Variants in PCDH15 observed in about 807,000 individuals in gnomAD.
The protein encoded by PCDH15 is protocadherin-15.
A neutral mutation model predicts 178.5 loss-of-function variants in PCDH15; 129 were observed. The ratio of observed to expected loss-of-function variants is 0.72; its 90% CI spans 0.63 to 0.84. The LOEUF (loss-of-function observed/expected upper bound fraction) is 0.84, where lower values mean the gene tolerates loss of function less well. Among genes scored for constraint, PCDH15 ranks in the 40% least tolerant of loss-of-function variants. The pLI is 0.00. For missense variants in PCDH15, 2,230 were observed against 2,099.9 expected (o/e 1.06, Z -1.21); for synonymous variants, 800 against 732.0 (o/e 1.09, Z -1.50).
At chr10:54,955,281 A>G (rs1326885309) in intron 2 of PCDH15, among the ~76,000 whole-genome samples, 1 of 151,258 alleles carries the variant, frequency 6.6e-6, no homozygotes, top group African/African-American at 2.4e-5. Flanking sequence ...GAGGAAAAGA[A>G]CTTTTGTTCT....
intron 1 of PCDH15, among the ~76,000 whole-genome samples, chr10:54,697,258 T>G (rs1418054589): frequency 6.6e-6 from 1 of 152,036 alleles, no homozygotes; most frequent in South Asian, 2.1e-4. Flanking sequence ...TTATATATAC[T>G]TGATAGTTTA....
intron 2 of PCDH15, among the ~76,000 whole-genome samples, chr10:54,919,137 C>T (rs1380902936): frequency 6.6e-6 from 1 of 152,072 alleles, no homozygotes; most frequent in Non-Finnish European, 1.5e-5. Flanking sequence ...CAGTGTTAAT[C>T]GTTTGTTGTC....
At chr10:53,832,297 C>T (rs1336220155) in intron 29 of PCDH15, among the ~76,000 whole-genome samples, 1 of 151,844 alleles carries the variant, frequency 6.6e-6, no homozygotes, top group Non-Finnish European at 1.5e-5. Flanking sequence ...AATAATTATT[C>T]CTAATCTTAT....
chr10:54,922,229 A>T (rs1362918614), intron 2 of PCDH15, among the ~76,000 whole-genome samples: 1 of 152,104 alleles, frequency 6.6e-6, no homozygotes, highest in African/African-American at 2.4e-5. Context: ...GCATTAAGTC[A>T]AAAGTCCAAG....
intron 26 of PCDH15, among the ~76,000 whole-genome samples, chr10:53,900,303 T>C (rs528012484): frequency 1.3e-5 from 2 of 151,836 alleles, no homozygotes; most frequent in South Asian, 4.2e-4. Context: ...TAGTATATTA[T>C]ATTGCATGAA....
chr10:54,920,297 C>T (rs959846257), intron 2 of PCDH15, among the ~76,000 whole-genome samples: 7 of 151,718 alleles, frequency 4.6e-5, no homozygotes, highest in Middle Eastern at 3.2e-3. Context: ...GGTGAAACCC[C>T]GTCTCTACTA....
intron 2 of PCDH15, among the ~76,000 whole-genome samples, chr10:55,005,226 A>AATAATCATCATCATCATC (rs34847205): frequency 5.5e-5 from 8 of 146,522 alleles, no homozygotes; most frequent in Non-Finnish European, 8.9e-5. Flanking sequence ...TAATAATAAT[A>AATAATCATCATCATCATC]ATCAATGGAG....
At chr10:54,696,694 C>T (rs2095230993) in intron 1 of PCDH15, among the ~76,000 whole-genome samples, 3 of 151,768 alleles carry the variant, frequency 2.0e-5, no homozygotes, top group East Asian at 1.9e-4. Context: ...AAAAAAAAAC[C>T]GCCCTATTTT....
At chr10:55,327,136 T>G (rs1844052216) in intron 2 of PCDH15, among the ~76,000 whole-genome samples, 1 of 152,068 alleles carries the variant, frequency 6.6e-6, no homozygotes, top group South Asian at 2.1e-4. Context: ...CCCTCATGAA[T>G]AGAATTAGTG....
chr10:55,070,440 T>C (rs1242564879), intron 2 of PCDH15, among the ~76,000 whole-genome samples: 5 of 152,126 alleles, frequency 3.3e-5, no homozygotes, highest in Non-Finnish European at 7.3e-5. Flanking sequence ...TAATCCATCT[T>C]GAATTAATTT....
At position 54,195,700 on chromosome 10, in the gene PCDH15, C is replaced by T; in HGVS notation, c.1288G>A (p.Asp430Asn). 6.2e-7 allele frequency: 1 copy of T among 1,613,774 alleles called. No individual in the cohort carries two copies. The highest frequency in any genetic ancestry group is 8.5e-7 in the Non-Finnish European group (1 of 1,179,772). The change falls in exon 11 of 38, where the codon GAC becomes AAC. Residue 430 changes from aspartate to asparagine, a missense_variant. Transcript: ENST00000644397. Reference sequence around the variant, plus strand: ...TAACTTACATCTTCTATGTCCTTGTCCAGAGCTACTATTCTTAAAGGTGAA... The same window carrying T: ...TAACTTACATCTTCTATGTCCTTGTTCAGAGCTACTATTCTTAAAGGTGAA... ...LTSPLRIVAL[D>N]KDIEDTKDPE...
At chr10:54,237,910 C>T (rs1330745369) in intron 8 of PCDH15, among the ~76,000 whole-genome samples, 1 of 152,136 alleles carries the variant, frequency 6.6e-6, no homozygotes, top group South Asian at 2.1e-4. Flanking sequence ...TTATGCTAAT[C>T]TGCATACTGA....
intron 2 of PCDH15, among the ~76,000 whole-genome samples, chr10:55,394,218 A>G (rs1234756936): frequency 8.0e-5 from 2 of 24,992 alleles, no homozygotes; most frequent in Non-Finnish European, 1.3e-4. Flanking sequence ...TACAACTATA[A>G]CACTATTTTT....
chr10:54,028,817 T>C (rs552398394), intron 18 of PCDH15, among the ~76,000 whole-genome samples: 25 of 147,442 alleles, frequency 1.7e-4, no homozygotes, highest in South Asian at 2.2e-4. Flanking sequence ...AGGGATAGCA[T>C]TGGGAGATAT....
At chr10:55,244,676 C>T (rs1019499663) in intron 1 of PCDH15, among the ~76,000 whole-genome samples, 9 of 151,702 alleles carry the variant, frequency 5.9e-5, no homozygotes, top group African/African-American at 2.2e-4. Context: ...GATATCAAAG[C>T]ATTACAATAT....
intron 1 of PCDH15, among the ~76,000 whole-genome samples, chr10:55,272,540 C>A (rs2132248324): frequency 6.6e-6 from 1 of 151,890 alleles, no homozygotes; most frequent in South Asian, 2.1e-4. Flanking sequence ...CACCACCACA[C>A]CCGGCTAATT....
chr10:55,385,284 T>C (rs555980559), intron 2 of PCDH15, among the ~76,000 whole-genome samples: 1 of 152,232 alleles, frequency 6.6e-6, no homozygotes, highest in Non-Finnish European at 1.5e-5. Flanking sequence ...AAGATCAAGA[T>C]AGTCACATGG....
chr10:54,684,817 G>GTAT (rs1173150796), intron 1 of PCDH15, among the ~76,000 whole-genome samples: 4 of 135,350 alleles, frequency 3.0e-5, no homozygotes. Flanking sequence ...TCCTATAGTA[G>GTAT]TGTGTATTAG....
intron 2 of PCDH15, among the ~76,000 whole-genome samples, chr10:54,646,658 T>C (rs2094135913): frequency 6.6e-6 from 1 of 152,078 alleles, no homozygotes; most frequent in African/African-American, 2.4e-5. Context: ...ATTAACAATA[T>C]TGAGTCTTCC....
Sources: allele counts gnomAD v4.1 joint callset (sites outside exome capture counted in the v4.1 genomes callset), GRCh38; gene constraint gnomAD v4.1.1; transcripts MANE v1.5; gene names NCBI Gene and HGNC (gene_info 2026-07-23, HGNC 2026-07-21).